TRPM7: variants seen among roughly 807,000 people sequenced by gnomAD.
TRPM7 encodes LTRPC ion channel family member 7.
A neutral mutation model predicts 229.7 loss-of-function variants in TRPM7; 134 were observed. That is an observed-to-expected ratio of 0.58 (90% confidence interval 0.51 to 0.67). TRPM7 has a LOEUF of 0.67. TRPM7 is among the 30% of genes least tolerant of loss of function. TRPM7 has a pLI of 0.00. For synonymous variants in TRPM7, 699 were observed against 715.2 expected, an observed-to-expected ratio of 0.98 and a Z score of 0.36; for missense variants, 1,901 against 2,210.0, an observed-to-expected ratio of 0.86 and a Z score of 2.80.
chr15:50,568,870 C>A (rs1397450950), intron 38 of TRPM7, among the ~76,000 whole-genome samples: 6 of 151,992 alleles, frequency 3.9e-5, no homozygotes, highest in African/African-American at 1.4e-4. Flanking sequence ...GTAGTCCCAG[C>A]TACTTGGGAG....
At chr15:50,634,276 G>T in intron 8 of TRPM7, 106 bp downstream of exon 8, 2 of 856,656 alleles carry the variant, frequency 2.3e-6, no homozygotes, top group East Asian at 3.6e-5. Context: ...AGCCAAGATT[G>T]CACCACTGCA....
chr15:50,612,129 C>T (rs180721402), intron 16 of TRPM7, among the ~76,000 whole-genome samples: 1 of 152,268 alleles, frequency 6.6e-6, no homozygotes, highest in Admixed American at 6.5e-5. Context: ...CTATTGCTGT[C>T]ACCTAGGCTG....
intron 38 of TRPM7, among the ~76,000 whole-genome samples, chr15:50,562,448 G>C (rs1322650616): frequency 6.6e-6 from 1 of 152,014 alleles, no homozygotes; most frequent in African/African-American, 2.4e-5. Flanking sequence ...TAAGCAAACA[G>C]AAAAATGACA....
intron 1 of TRPM7, among the ~76,000 whole-genome samples, chr15:50,674,982 C>G (rs1308071383): frequency 6.6e-6 from 1 of 152,150 alleles, no homozygotes; most frequent in Non-Finnish European, 1.5e-5. Flanking sequence ...TTGTGTCACT[C>G]CCATACTCAC....
chr15:50,618,993 G>A (rs574206951), intron 13 of TRPM7, among the ~76,000 whole-genome samples: 1 of 152,204 alleles, frequency 6.6e-6, no homozygotes, highest in East Asian at 1.9e-4. Flanking sequence ...TTTTAAAGGG[G>A]AGAGAGTTTT....
chr15:50,671,037 A>T (rs537836038), intron 1 of TRPM7, among the ~76,000 whole-genome samples: 2 of 152,256 alleles, frequency 1.3e-5, no homozygotes, highest in East Asian at 3.9e-4. Flanking sequence ...TATCATATAC[A>T]TTGCCTCACA....
At position 50,591,953 on chromosome 15, in the gene TRPM7, T is replaced by C. The variant is rs775919704; in HGVS notation, c.4282A>G (p.Lys1428Glu). The change falls in exon 26 of 39, where the codon AAA (lysine) becomes GAA (glutamate). Residue 1428 changes from lysine to glutamate, a missense_variant. Physicochemically the swap from Lys to Glu is moderately conservative, Grantham distance 56. Coordinates refer to ENST00000646667, the MANE Select transcript of TRPM7 (RefSeq NM_017672.6). Reference sequence around the variant, plus strand: ...TCTGTATTATCTCCTTCTGTAGCTTTAGAGCAAACAGTTTCTTGATCTTTG... The same window carrying C: ...TCTGTATTATCTCCTTCTGTAGCTTCAGAGCAAACAGTTTCTTGATCTTTG... ...GTKDQETVCS[K>E]ATEGDNTEFG... 1 of 1,597,888 alleles carries C rather than the reference T, an allele frequency of 6.3e-7. No homozygotes were observed. The highest frequency in any genetic ancestry group is 8.5e-7 in the Non-Finnish European group (1 of 1,175,786).
At chr15:50,594,991 G>A (rs1411104607) in intron 23 of TRPM7, among the ~76,000 whole-genome samples, 1 of 152,014 alleles carries the variant, frequency 6.6e-6, no homozygotes, top group Non-Finnish European at 1.5e-5. Context: ...AGTGCTTGAG[G>A]CCTGGAGTTC....
At chr15:50,562,194 C>T (rs2053348733) in intron 38 of TRPM7, among the ~76,000 whole-genome samples, 1 of 152,182 alleles carries the variant, frequency 6.6e-6, no homozygotes, top group Admixed American at 6.5e-5. Context: ...CCATGCCCGG[C>T]TGAATTAGGA....
intron 3 of TRPM7, among the ~76,000 whole-genome samples, chr15:50,651,525 G>T (rs567392258): frequency 6.6e-6 from 1 of 152,120 alleles, no homozygotes; most frequent in Non-Finnish European, 1.5e-5. Flanking sequence ...TGTTGGGCAC[G>T]GTGGCTCATG....
intron 38 of TRPM7, among the ~76,000 whole-genome samples, chr15:50,563,757 C>T (rs1248396793): frequency 6.6e-6 from 1 of 152,174 alleles, no homozygotes; most frequent in Non-Finnish European, 1.5e-5. Context: ...ACATGCAACC[C>T]AACACAAATT....
intron 19 of TRPM7, 63 bp downstream of exon 19, chr15:50,609,518 A>G: frequency 6.7e-7 from 1 of 1,481,690 alleles, no homozygotes; most frequent in Non-Finnish European, 9.1e-7. Context: ...ATGGATTCCG[A>G]ACCAATGGTC....
intron 38 of TRPM7, among the ~76,000 whole-genome samples, chr15:50,564,434 A>T (rs1214958793): frequency 6.6e-6 from 1 of 151,998 alleles, no homozygotes; most frequent in African/African-American, 2.4e-5. Flanking sequence ...GGACAAGAAG[A>T]AATCACTTAA....
chr15:50,586,539 A>C (rs2059348300), intron 27 of TRPM7, 51 bp from the exon 28 acceptor site: 14 of 1,228,556 alleles, frequency 1.1e-5, no homozygotes, highest in Non-Finnish European at 1.5e-5. Context: ...ACTAAATTTC[A>C]ACCCATTACT....
At chr15:50,675,722 T>G (rs1162040245) in intron 1 of TRPM7, among the ~76,000 whole-genome samples, 2 of 152,220 alleles carry the variant, frequency 1.3e-5, no homozygotes, top group African/African-American at 4.8e-5. Flanking sequence ...CTACCAGATT[T>G]TACCAAGAGG....
At chr15:50,598,896 T>C (rs1596146361) in intron 22 of TRPM7, among the ~76,000 whole-genome samples, 1 of 152,220 alleles carries the variant, frequency 6.6e-6, no homozygotes, top group Non-Finnish European at 1.5e-5. Flanking sequence ...TATTGTGTCC[T>C]AGGACAGTTT....
intron 27 of TRPM7, among the ~76,000 whole-genome samples, chr15:50,587,963 TTTC>T (rs911010637): frequency 1.1e-4 from 17 of 152,272 alleles, no homozygotes; most frequent in African/African-American, 3.6e-4. Context: ...CATTCCCGCT[TTTC>T]TTCTTTCTCT....
chr15:50,677,390 C>G (rs1232171593), intron 1 of TRPM7, among the ~76,000 whole-genome samples: 1 of 151,928 alleles, frequency 6.6e-6, no homozygotes, highest in Non-Finnish European at 1.5e-5. Context: ...CGAGGGAGAT[C>G]ACATTCAGTA....
chr15:50,665,154 A>G, intron 1 of TRPM7, among the ~76,000 whole-genome samples: 1 of 152,070 alleles, frequency 6.6e-6, no homozygotes, highest in East Asian at 1.9e-4. Flanking sequence ...CTGCAATCCG[A>G]GTACTTTAGG....
Sources: allele counts gnomAD v4.1 joint callset (sites outside exome capture counted in the v4.1 genomes callset), GRCh38; gene constraint gnomAD v4.1.1; transcripts MANE v1.5; gene names NCBI Gene and HGNC (gene_info 2026-07-23, HGNC 2026-07-21).